The following GPC3 variants were observed in gnomAD, a reference collection of about 807,000 sequenced individuals.
The protein encoded by GPC3 is glypican-3.
A neutral mutation model predicts 34.4 loss-of-function variants in GPC3; 3 were observed. The observed-to-expected ratio is 0.09, with a 90% CI of 0.04 to 0.23. The LOEUF (loss-of-function observed/expected upper bound fraction) is 0.23, where lower values mean the gene tolerates loss of function less well. Among genes scored for constraint, GPC3 ranks in the 10% least tolerant of loss-of-function variants. The pLI is 1.00. For synonymous variants in GPC3, 177 were observed against 174.0 expected (o/e 1.02, Z -0.13); for missense variants, 351 against 445.6 (o/e 0.79, Z 1.91).
chrX:133,861,463 T>A (rs1190947148), intron 2 of GPC3, among the ~76,000 whole-genome samples: 1 of 111,466 alleles, frequency 9.0e-6, no homozygotes, highest in Admixed American at 9.5e-5. Context: ...TTTGGTTACG[T>A]CTTCTGTGTT....
At chrX:133,907,689 A>G (rs975931120) in intron 2 of GPC3, among the ~76,000 whole-genome samples, 6 of 111,536 alleles carry the variant, frequency 5.4e-5, no homozygotes, top group Non-Finnish European at 1.1e-4. Context: ...TCTACTATGG[A>G]ACATTTTGAT....
chrX:133,604,484 G>A (rs1401630479), intron 6 of GPC3, among the ~76,000 whole-genome samples: 1 of 111,340 alleles, frequency 9.0e-6, no homozygotes, highest in Non-Finnish European at 1.9e-5. Flanking sequence ...GTCATCTACT[G>A]TGTTTTAAAT....
In GPC3 at chrX:133,945,627, G is replaced by A. The variant is rs189226769; in HGVS notation, c.337+7423C>T. On this transcript the variant is annotated intron_variant, in intron 2 of 7. Transcript: ENST00000370818. ...AAATTAGCCAGGCATGATGGCAGGC[G>A]CCTGTAATCCAAGCTACTCAGGAGT... 3.4e-4 allele frequency among the ~76,000 whole-genome samples: 37 copies of A among 108,536 alleles called. No homozygotes were observed. The East Asian group carries it at 9.4e-3, about 27-fold the overall frequency. 94.3% of individuals were successfully genotyped at this position (108,536 alleles called of 115,157 possible). A position where few individuals can be genotyped will look rare whatever the true frequency, so the allele number is the denominator to read the frequency against.
intron 5 of GPC3, among the ~76,000 whole-genome samples, chrX:133,686,944 C>T (rs934593984): frequency 8.6e-5 from 9 of 104,512 alleles, no homozygotes; most frequent in East Asian, 2.9e-4. Context: ...GTTTTGGAGA[C>T]GGATGGACTC....
chrX:133,898,129 C>G (rs1218680296), intron 2 of GPC3, among the ~76,000 whole-genome samples: 1 of 111,224 alleles, frequency 9.0e-6, no homozygotes, highest in Non-Finnish European at 1.9e-5. Flanking sequence ...GGCAGTAATC[C>G]GATATAATAA....
chrX:133,928,710 C>T (rs1313233066), intron 2 of GPC3, among the ~76,000 whole-genome samples: 1 of 111,780 alleles, frequency 8.9e-6, no homozygotes, highest in Admixed American at 9.5e-5. Flanking sequence ...TTTTCAGGTA[C>T]CTGTTGGCTA....
chrX:133,715,361 T>C (rs2071304274), intron 3 of GPC3, among the ~76,000 whole-genome samples: 1 of 111,957 alleles, frequency 8.9e-6, no homozygotes, highest in Non-Finnish European at 1.9e-5. Flanking sequence ...TTGGACTGGC[T>C]TCCTTGCTCC....
intron 6 of GPC3, among the ~76,000 whole-genome samples, chrX:133,640,442 C>T (rs1054749897): frequency 9.0e-6 from 1 of 111,690 alleles, no homozygotes; most frequent in Non-Finnish European, 1.9e-5. Context: ...CTGCTGTATG[C>T]GTGGATGAAA....
intron 2 of GPC3, among the ~76,000 whole-genome samples, chrX:133,784,218 T>C (rs183460674): frequency 3.6e-5 from 4 of 112,115 alleles, no homozygotes; most frequent in Non-Finnish European, 5.6e-5. Flanking sequence ...TTTAAATGAT[T>C]CTGACCTGGA....
chrX:133,946,068 T>C (rs377007761), intron 2 of GPC3, among the ~76,000 whole-genome samples: 1 of 112,074 alleles, frequency 8.9e-6, no homozygotes. Context: ...TACTTGAAGG[T>C]AGCCATGAGG....
intron 7 of GPC3, among the ~76,000 whole-genome samples, chrX:133,568,760 G>A (rs770437130): frequency 9.0e-6 from 1 of 110,993 alleles, no homozygotes; most frequent in Non-Finnish European, 1.9e-5. Context: ...AGTGGAAGGA[G>A]AGGCAAAAGT....
intron 2 of GPC3, among the ~76,000 whole-genome samples, chrX:133,781,591 T>A (rs1569431452): frequency 8.9e-6 from 1 of 112,382 alleles, no homozygotes. Flanking sequence ...AAGGGGTACA[T>A]TAGAGCAGAC....
intron 6 of GPC3, among the ~76,000 whole-genome samples, chrX:133,642,525 A>G (rs919036634): frequency 9.0e-6 from 1 of 111,064 alleles, no homozygotes; most frequent in Non-Finnish European, 1.9e-5. Flanking sequence ...TAATCCCAGC[A>G]CTTTGGGAGG....
chrX:133,538,096 A>G (rs2069311002), intron 7 of GPC3, among the ~76,000 whole-genome samples: 1 of 111,972 alleles, frequency 8.9e-6, no homozygotes, highest in South Asian at 3.7e-4. Flanking sequence ...ACCCAGGGAG[A>G]AGCAATTGAG....
At chrX:133,699,240 A>G (rs913196625) in intron 4 of GPC3, among the ~76,000 whole-genome samples, 2 of 111,877 alleles carry the variant, frequency 1.8e-5, no homozygotes, top group Non-Finnish European at 3.8e-5. Context: ...AGCCAGTGGC[A>G]GGGCTGGCTA....
intron 1 of GPC3, among the ~76,000 whole-genome samples, chrX:133,978,994 T>C (rs979478603): frequency 5.3e-5 from 6 of 112,586 alleles, no homozygotes. Context: ...GGAATAAATA[T>C]ATGCTTCACT....
At chrX:133,803,281 A>C (rs1431886209) in intron 2 of GPC3, among the ~76,000 whole-genome samples, 3 of 112,511 alleles carry the variant, frequency 2.7e-5, no homozygotes, top group African/African-American at 9.7e-5. Context: ...AGCCAAAACA[A>C]AAATACTGGA....
chrX:133,625,842 A>G (rs1295000932), intron 6 of GPC3, among the ~76,000 whole-genome samples: 5 of 112,513 alleles, frequency 4.4e-5, no homozygotes, highest in Non-Finnish European at 9.4e-5. Flanking sequence ...ACCAAAAAAG[A>G]GCCTGCATTG....
chrX:133,732,538 TA>T (rs747750498), intron 3 of GPC3, among the ~76,000 whole-genome samples: 1 of 110,771 alleles, frequency 9.0e-6, no homozygotes, highest in Non-Finnish European at 1.9e-5. Flanking sequence ...AAAGGTGAGG[TA>T]AAAAAATAAG....
Sources: allele counts gnomAD v4.1 joint callset (sites outside exome capture counted in the v4.1 genomes callset), GRCh38; gene constraint gnomAD v4.1.1; transcripts MANE v1.5; gene names NCBI Gene and HGNC (gene_info 2026-07-23, HGNC 2026-07-21).